Variants in AGAP1 observed in about 807,000 individuals in gnomAD.
AGAP1 encodes the protein ArfGAP with GTPase domain, ankyrin repeat and PH domain 1, also known as arf-GAP with GTPase, ANK repeat and PH domain-containing protein 1.
A neutral mutation model predicts 105.3 loss-of-function variants in AGAP1; 29 were observed. The observed-to-expected ratio is 0.28, with a 90% confidence interval of 0.21 to 0.38. The LOEUF (loss-of-function observed/expected upper bound fraction) is 0.38. AGAP1 is among the 10% of genes least tolerant of loss of function. The pLI is 1.00. For missense variants in AGAP1, 998 were observed against 1,165.1 expected (o/e 0.86, Z 2.09); for synonymous variants, 509 against 485.9 (o/e 1.05, Z -0.63).
At chr2:236,011,395 T>C (rs144721701) in intron 13 of AGAP1, among the ~76,000 whole-genome samples, 4 of 152,348 alleles carry the variant, frequency 2.6e-5, no homozygotes, top group Non-Finnish European at 5.9e-5. Context: ...TCTGAAATTA[T>C]ACTTGTGGGA....
intron 1 of AGAP1, among the ~76,000 whole-genome samples, chr2:235,526,909 A>G (rs999783865): frequency 6.6e-5 from 10 of 152,228 alleles, no homozygotes; most frequent in Non-Finnish European, 1.5e-4. Context: ...GATGGAATGA[A>G]ATAGTGGAAC....
chr2:236,123,905 C>T lies in AGAP1; in HGVS notation c.2371-14C>T, dbSNP rs1267011852. 1 of 1,612,242 alleles carries T rather than the reference C, an allele frequency of 6.2e-7. No homozygotes were observed. The highest frequency in any genetic ancestry group is 8.5e-7 in the Non-Finnish European group (1 of 1,179,838). On this transcript the variant is annotated splice_polypyrimidine_tract_variant and intron_variant, in intron 17 of 17. Transcript: ENST00000304032. This position sits in a 1 kb window ranked among gnomAD's most constrained non-coding sequence, Gnocchi z 4.6. ...TCCCCCATGATACTAATGTGGGCTC[C>T]CTTACCTCCGCAGTACGGAGTGGAC... is the stretch of plus-strand genomic sequence containing the variant.
At chr2:235,854,778 G>C (rs1189023605) in intron 9 of AGAP1, among the ~76,000 whole-genome samples, 1 of 152,208 alleles carries the variant, frequency 6.6e-6, no homozygotes, top group Non-Finnish European at 1.5e-5. Context: ...TGTTTCCCCT[G>C]GTTTCGCTTG....
At chr2:235,510,464 T>C (rs772715829) in intron 1 of AGAP1, among the ~76,000 whole-genome samples, 24 of 152,334 alleles carry the variant, frequency 1.6e-4, no homozygotes, top group Non-Finnish European at 3.2e-4. Flanking sequence ...TTGATGGAGT[T>C]GTTTCCAGTT....
At chr2:236,065,238 A>G (rs964640084) in intron 16 of AGAP1, among the ~76,000 whole-genome samples, 1 of 152,206 alleles carries the variant, frequency 6.6e-6, no homozygotes. Flanking sequence ...TGCCAAGCCA[A>G]GGGAAGTTCA....
At chr2:235,794,899 T>C (rs1957172403) in intron 6 of AGAP1, among the ~76,000 whole-genome samples, 1 of 152,212 alleles carries the variant, frequency 6.6e-6, no homozygotes, top group Admixed American at 6.5e-5. Flanking sequence ...CGTATTTATA[T>C]GAAACAACAC....
chr2:235,595,490 C>T (rs1245867146), intron 1 of AGAP1, among the ~76,000 whole-genome samples: 2 of 152,182 alleles, frequency 1.3e-5, no homozygotes, highest in African/African-American at 2.4e-5. Flanking sequence ...CTGATAAACA[C>T]GTATAGCACT....
chr2:235,985,990 T>C (rs959323509), intron 13 of AGAP1, among the ~76,000 whole-genome samples: 1 of 152,204 alleles, frequency 6.6e-6, no homozygotes, highest in African/African-American at 2.4e-5. Context: ...AAATAGTTTT[T>C]TCCAATTCTG....
rs941021790 is a variant in AGAP1 at position 235,936,861 on chromosome 2, C to A, written c.1483+5938C>A. ...TTCCAAAAGGCTGAGAAACCAAGAC[C>A]ATACTTATCATTATTAGCCAAAATT... is the stretch of plus-strand genomic sequence containing the variant. On this transcript the variant is annotated intron_variant, in intron 12 of 17. Coordinates refer to ENST00000304032, the MANE Select transcript of AGAP1 (RefSeq NM_001037131.3). The surrounding 1 kb of genome is among the most constrained non-coding windows in gnomAD (Gnocchi z 4.7). 3.3e-5 allele frequency among the ~76,000 whole-genome samples: 5 copies of A among 152,048 alleles called. No homozygotes were observed. The highest frequency in any genetic ancestry group is 9.7e-5 in the African/African-American group (4 of 41,414).
chr2:235,508,057 G>A (rs564300436), intron 1 of AGAP1, among the ~76,000 whole-genome samples: 1 of 152,180 alleles, frequency 6.6e-6, no homozygotes, highest in Admixed American at 6.5e-5. Flanking sequence ...TCCTCCGCTG[G>A]TTCGCTTATG....
At chr2:235,570,902 G>C (rs1348597492) in intron 1 of AGAP1, among the ~76,000 whole-genome samples, 1 of 152,212 alleles carries the variant, frequency 6.6e-6, no homozygotes, top group Non-Finnish European at 1.5e-5. Flanking sequence ...GGCTATAAAG[G>C]AATACCTGAG....
chr2:235,599,262 C>T lies in AGAP1; in HGVS notation c.163+104413C>T, dbSNP rs1945648072. 6.6e-6 allele frequency among the ~76,000 whole-genome samples: 1 copy of T among 152,142 alleles called. No individual in the cohort carries two copies. Among genetic ancestry groups the T allele is most frequent in the African/African-American group, 2.4e-5 (1 of 41,434 alleles). ...GCTGTTCATTTCGGTGGCCGAGGGC[C>T]TGTGGGCTGCAGTACGTTTACACTG... On this transcript the variant is annotated intron_variant, in intron 1 of 17. Transcript: ENST00000304032. This position sits in a 1 kb window ranked among gnomAD's most constrained non-coding sequence, Gnocchi z 5.3.
intron 9 of AGAP1, among the ~76,000 whole-genome samples, chr2:235,826,751 C>G (rs1272508044): frequency 6.6e-6 from 1 of 152,070 alleles, no homozygotes; most frequent in Non-Finnish European, 1.5e-5. Context: ...TTCCCCATAT[C>G]TTTTTAAAAA....
chr2:235,732,380 A>G lies in AGAP1; in HGVS notation c.311-8583A>G, dbSNP rs1390206784. ...CTAATTTTATTCATCAGTTCCCCAA[A>G]TGCCGTTTTGATCCTCAGATCTGGA... On this transcript the variant is annotated intron_variant, in intron 3 of 17. Coordinates refer to ENST00000304032, the MANE Select transcript of AGAP1 (RefSeq NM_001037131.3). The surrounding 1 kb of genome is among the most constrained non-coding windows in gnomAD (Gnocchi z 4.8). Among the ~76,000 whole-genome samples, 1 of 152,054 alleles carries G rather than the reference A, an allele frequency of 6.6e-6. No homozygotes were observed. The highest frequency in any genetic ancestry group is 1.5e-5 in the Non-Finnish European group (1 of 67,998).
chr2:236,019,128 T>A (rs372122894), intron 13 of AGAP1, among the ~76,000 whole-genome samples: 8 of 152,198 alleles, frequency 5.3e-5, no homozygotes, highest in East Asian at 3.9e-4. Context: ...TCCAACTCAT[T>A]CACAGTTAAA....
chr2:235,968,703 C>A, intron 13 of AGAP1, 80 bp downstream of exon 13: 1 of 1,422,712 alleles, frequency 7.0e-7, no homozygotes, highest in African/African-American at 1.4e-5. Context: ...TGAAATTAGA[C>A]ACCCTTAGCA....
At chr2:235,990,960 G>A (rs1314608646) in intron 13 of AGAP1, among the ~76,000 whole-genome samples, 3 of 152,218 alleles carry the variant, frequency 2.0e-5, no homozygotes, top group East Asian at 1.9e-4. Flanking sequence ...AGGGCTCACC[G>A]AGGAGACCAC....
chr2:235,516,076 G>GCTGCTGCTT (rs1553556332), intron 1 of AGAP1, among the ~76,000 whole-genome samples: 2 of 140,312 alleles, frequency 1.4e-5, no homozygotes, highest in African/African-American at 5.0e-5. Flanking sequence ...TGCTGCTGCT[G>GCTGCTGCTT]CTGCTGCTGC....
Position 235,967,204 on chromosome 2 carries a change from G to A in AGAP1, c.1484-1258G>A, listed in dbSNP as rs1165395366. Among the ~76,000 whole-genome samples the A allele has an allele frequency of 6.6e-6, 1 of 152,088 alleles. No individual in the cohort carries two copies. The highest frequency in any genetic ancestry group is 1.5e-5 in the Non-Finnish European group (1 of 68,024). On this transcript the variant is annotated intron_variant, in intron 12 of 17. Coordinates refer to ENST00000304032, the MANE Select transcript of AGAP1 (RefSeq NM_001037131.3). This position sits in a 1 kb window ranked among gnomAD's most constrained non-coding sequence, Gnocchi z 4.7. Reference sequence around the variant, plus strand: ...GAACACACCAGGCTCCCTCCTTGGAGCCAGGCTCTGACTGTTTCTCTGCTC... The same window carrying A: ...GAACACACCAGGCTCCCTCCTTGGAACCAGGCTCTGACTGTTTCTCTGCTC...
Sources: allele counts gnomAD v4.1 joint callset (sites outside exome capture counted in the v4.1 genomes callset), GRCh38; gene constraint gnomAD v4.1.1; non-coding constraint Gnocchi (gnomAD v3.1); transcripts MANE v1.5; gene names NCBI Gene and HGNC (gene_info 2026-07-23, HGNC 2026-07-21).